Variants in PCDHGA10 observed in about 807,000 individuals in gnomAD.
PCDHGA10 encodes the protein protocadherin gamma subfamily A, 10.
Under a neutral mutation model 59.5 loss-of-function variants are expected in PCDHGA10, and 42 were observed. The observed-to-expected ratio is 0.71, with a 90% confidence interval of 0.55 to 0.91. The LOEUF (loss-of-function observed/expected upper bound fraction) is 0.91, where lower values mean the gene tolerates loss of function less well. PCDHGA10 is among the 40% of genes least tolerant of loss of function. The pLI is 0.00. For synonymous variants in PCDHGA10, 511 were observed against 517.2 expected (o/e 0.99, Z 0.16); for missense variants, 1,111 against 1,198.2 (o/e 0.93, Z 1.07).
Position 141,431,980 on chromosome 5 carries a change from C to G in PCDHGA10, c.2436+16369C>G. The G allele has an allele frequency of 6.2e-7, 1 of 1,614,214 alleles. No homozygotes were observed. The highest frequency in any genetic ancestry group is 8.5e-7 in the Non-Finnish European group (1 of 1,180,024). ...GAAATTACTATAGTTTAGTCACAGACATAGTCTTGGATAGGGAACAGGTTC... is the reference window on the plus strand; with the variant it reads ...GAAATTACTATAGTTTAGTCACAGAGATAGTCTTGGATAGGGAACAGGTTC... On this transcript the variant is annotated intron_variant, in intron 1 of 3. Transcript: ENST00000398610. The surrounding 1 kb of genome is among the most constrained non-coding windows in gnomAD (Gnocchi z 4.8).
chr5:141,435,194 C>G (rs538114313), intron 1 of PCDHGA10, among the ~76,000 whole-genome samples: 85 of 152,214 alleles, frequency 5.6e-4, no homozygotes, highest in Middle Eastern at 6.8e-3. Flanking sequence ...AGATGGCTAG[C>G]AAATTCATAA....
chr5:141,508,599 G>T lies in PCDHGA10; in HGVS notation c.2585-2348G>T, dbSNP rs948748985. On this transcript the variant is annotated intron_variant, in intron 3 of 3. Coordinates refer to ENST00000398610, the MANE Select transcript of PCDHGA10 (RefSeq NM_018913.3). ...CTCGGGGTGCTACTCAGAGATCTTGGGTGCACATAGGACGTGGGTGGGCCG... is the reference window on the plus strand; with the variant it reads ...CTCGGGGTGCTACTCAGAGATCTTGTGTGCACATAGGACGTGGGTGGGCCG... Among the ~76,000 whole-genome samples the T allele has an allele frequency of 3.9e-5, 6 of 152,212 alleles. No individual in the cohort carries two copies. The South Asian group carries it at 1.2e-3, about 32-fold the overall frequency.
intron 1 of PCDHGA10, chr5:141,419,317 T>G: frequency 1.2e-6 from 2 of 1,613,952 alleles, no homozygotes; most frequent in Non-Finnish European, 1.7e-6. Context: ...TCAACGGCCG[T>G]GTCTCCTACT....
chr5:141,429,389 A>T (rs6890456), intron 1 of PCDHGA10, among the ~76,000 whole-genome samples: 7,460 of 147,570 alleles, frequency 0.051, 197 homozygotes, highest in South Asian at 0.075. Flanking sequence ...TTTTTTTTTA[A>T]AAAAAATTGA....
At position 141,485,727 on chromosome 5, in the gene PCDHGA10, G is replaced by T. The variant is rs773176318; in HGVS notation, c.2437-9080G>T. The T allele has an allele frequency of 3.1e-6, 5 of 1,614,196 alleles. No homozygotes were observed. In the Admixed American group the frequency reaches 5.0e-5, roughly 16 times the overall value. Reference sequence around the variant, plus strand: ...CACTTTGCACTGGATGTGAAGAAGCGCAGCGACGGCAGCCTGGTCCCAGAG... The same window carrying T: ...CACTTTGCACTGGATGTGAAGAAGCTCAGCGACGGCAGCCTGGTCCCAGAG... On this transcript the variant is annotated intron_variant, in intron 1 of 3. Transcript: ENST00000398610. The surrounding 1 kb of genome is among the most constrained non-coding windows in gnomAD (Gnocchi z 5.7).
chr5:141,486,017 A>C lies in PCDHGA10; in HGVS notation c.2437-8790A>C, dbSNP rs746747518. 1 of 1,614,176 alleles carries C rather than the reference A, an allele frequency of 6.2e-7. No homozygotes were observed. The highest frequency in any genetic ancestry group is 8.5e-7 in the Non-Finnish European group (1 of 1,180,038). ...CAGTGGTAACGTCACCTTTTATTTC[A>C]GTGGTCATACCCCTGATCGTGTAAG... On this transcript the variant is annotated intron_variant, in intron 1 of 3. Coordinates refer to ENST00000398610, the MANE Select transcript of PCDHGA10 (RefSeq NM_018913.3). This position sits in a 1 kb window ranked among gnomAD's most constrained non-coding sequence, Gnocchi z 5.0.
At position 141,423,418 on chromosome 5, in the gene PCDHGA10, G is replaced by T. The variant is rs1236092057; in HGVS notation, c.2436+7807G>T. On this transcript the variant is annotated intron_variant, in intron 1 of 3. Transcript: ENST00000398610. ...GTCACGCCTGCTGCAGGCTTCTGAAGGCGGGTTGGCAGGTATGCCCACGTC... is the reference window on the plus strand; with the variant it reads ...GTCACGCCTGCTGCAGGCTTCTGAATGCGGGTTGGCAGGTATGCCCACGTC... 1.2e-6 allele frequency: 2 copies of T among 1,614,022 alleles called. No individual in the cohort carries two copies. Among genetic ancestry groups the T allele is most frequent in the South Asian group, 1.1e-5 (1 of 91,088 alleles).
chr5:141,461,647 C>T (rs1242234255), intron 1 of PCDHGA10, among the ~76,000 whole-genome samples: 3 of 152,006 alleles, frequency 2.0e-5, no homozygotes, highest in Non-Finnish European at 4.4e-5. Context: ...TTCTTTGACC[C>T]ATGGATTATT....
In PCDHGA10 at chr5:141,486,001, C is replaced by T. The variant is rs771993915; in HGVS notation, c.2437-8806C>T. ...ACCCGGACCTGGGTCCCAGTGGTAA[C>T]GTCACCTTTTATTTCAGTGGTCATA... On this transcript the variant is annotated intron_variant, in intron 1 of 3. Coordinates refer to ENST00000398610, the MANE Select transcript of PCDHGA10 (RefSeq NM_018913.3). This position sits in a 1 kb window ranked among gnomAD's most constrained non-coding sequence, Gnocchi z 5.0. The T allele has an allele frequency of 2.5e-6, 4 of 1,614,076 alleles. No homozygotes were observed. The highest frequency in any genetic ancestry group is 8.5e-7 in the Non-Finnish European group (1 of 1,180,032).
At chr5:141,452,854 A>G (rs137963870) in intron 1 of PCDHGA10, among the ~76,000 whole-genome samples, 109 of 152,264 alleles carry the variant, frequency 7.2e-4, no homozygotes, top group African/African-American at 2.5e-3. Flanking sequence ...CTCTGGGGAG[A>G]TGATTTTCTA....
intron 1 of PCDHGA10, chr5:141,416,389 T>A (rs2096020280): frequency 6.6e-6 from 1 of 152,236 alleles, no homozygotes; most frequent in Non-Finnish European, 1.5e-5. Context: ...TATTTGGGAT[T>A]CTGCTTTTGT....
rs778684539 is a variant in PCDHGA10 at position 141,477,205 on chromosome 5, G to A, written c.2437-17602G>A. ...CCTCCGTGTACAGCCCAGTACCCGA[G>A]GATGCCCCTCTGGGGACTGTCATCG... On this transcript the variant is annotated intron_variant, in intron 1 of 3. Transcript: ENST00000398610. The surrounding 1 kb of genome is among the most constrained non-coding windows in gnomAD (Gnocchi z 4.9). 1 of 1,614,184 alleles carries A rather than the reference G, an allele frequency of 6.2e-7. No homozygotes were observed. The highest frequency in any genetic ancestry group is 8.5e-7 in the Non-Finnish European group (1 of 1,180,042).
At chr5:141,498,220 G>T (rs1562182972) in intron 2 of PCDHGA10, among the ~76,000 whole-genome samples, 1 of 152,222 alleles carries the variant, frequency 6.6e-6, no homozygotes, top group Non-Finnish European at 1.5e-5. Flanking sequence ...GAGCATTCCA[G>T]ATGGTCAGGC....
intron 1 of PCDHGA10, among the ~76,000 whole-genome samples, chr5:141,466,800 C>T (rs189985735): frequency 6.6e-6 from 1 of 152,240 alleles, no homozygotes; most frequent in East Asian, 1.9e-4. Context: ...AAACTAGATC[C>T]TATTCAGACA....
rs1299979776 is a variant in PCDHGA10 at position 141,512,453 on chromosome 5, G to GC, written c.*1282dup. On this transcript the variant is annotated 3_prime_UTR_variant, in exon 4 of 4. Transcript: ENST00000398610. ...TCCTGAAGCCTCAGTCCTTCACCTT[G>GC]CCAGGTGCCGTTTCTCTTCCGTGAA... The GC allele has an allele frequency of 6.5e-6, 1 of 152,880 alleles. No homozygotes were observed. The allele number at this position is 152,880 out of a possible 1,614,324, so 9.5% of individuals were successfully genotyped here.
chr5:141,422,703 G>GA, intron 1 of PCDHGA10: 1 of 1,603,132 alleles, frequency 6.2e-7, no homozygotes, highest in African/African-American at 1.3e-5. Context: ...CTTACTCTCT[G>GA]ACGGATGACA....
chr5:141,505,557 A>C (rs2099846692), intron 3 of PCDHGA10, 76 bp downstream of exon 3: 1 of 1,606,080 alleles, frequency 6.2e-7, no homozygotes, highest in Non-Finnish European at 8.5e-7. Flanking sequence ...CACCATGCCC[A>C]CGGACTGGAT....
chr5:141,419,217 G>A (rs1407588828), intron 1 of PCDHGA10: 1 of 1,613,936 alleles, frequency 6.2e-7, no homozygotes, highest in Admixed American at 1.7e-5. Context: ...CCGGTTTTCG[G>A]ACAGTCAGCC....
rs2099883775 is a variant in PCDHGA10 at position 141,511,415 on chromosome 5, A to G, written c.*242A>G. On this transcript the variant is annotated 3_prime_UTR_variant, in exon 4 of 4. Transcript: ENST00000398610. ...CCCCATCCAATCAACTGCTGTACCC[A>G]TGGGGGTAGTGGGGTTACTGTAGAC... 1.2e-6 allele frequency: 1 copy of G among 868,992 alleles called. No individual in the cohort carries two copies. The highest frequency in any genetic ancestry group is 2.9e-5 in the East Asian group (1 of 34,592). The allele number at this position is 868,992 out of a possible 1,614,324, so 53.8% of individuals were successfully genotyped here.
Sources: allele counts gnomAD v4.1 joint callset (sites outside exome capture counted in the v4.1 genomes callset), GRCh38; gene constraint gnomAD v4.1.1; non-coding constraint Gnocchi (gnomAD v3.1); transcripts MANE v1.5; gene names NCBI Gene and HGNC (gene_info 2026-07-23, HGNC 2026-07-21).